Variants in PLPP4 observed in about 807,000 individuals in gnomAD.
PLPP4 encodes diacylglycerol pyrophosphate like 2.
PLPP4 carries 20 observed loss-of-function variants against 32.2 expected under a neutral mutation model. The ratio of observed to expected loss-of-function variants is 0.62; its 90% confidence interval spans 0.44 to 0.90. The LOEUF (loss-of-function observed/expected upper bound fraction) is 0.90, where lower values mean the gene tolerates loss of function less well. Among genes scored for constraint, PLPP4 ranks in the 40% least tolerant of loss-of-function variants. The pLI is 0.00. For synonymous variants in PLPP4, 127 were observed against 133.0 expected, an observed-to-expected ratio of 0.95 and a Z score of 0.31; for missense variants, 257 against 353.1, an observed-to-expected ratio of 0.73 and a Z score of 2.18.
chr10:120,543,358 CTGTTA>C (rs1395916729), intron 5 of PLPP4, among the ~76,000 whole-genome samples: 3 of 152,208 alleles, frequency 2.0e-5, no homozygotes, highest in Non-Finnish European at 4.4e-5. Flanking sequence ...GGGTTCCCTG[CTGTTA>C]TGGTTGGCCT....
intron 5 of PLPP4, among the ~76,000 whole-genome samples, chr10:120,529,764 A>G (rs965567723): frequency 5.3e-5 from 8 of 152,238 alleles, no homozygotes; most frequent in African/African-American, 1.7e-4. Context: ...TTTGTAAAAA[A>G]GAAAAAACAA....
chr10:120,584,950 G>A lies in PLPP4; in HGVS notation c.617-4353G>A, dbSNP rs1849685490. On this transcript the variant is annotated intron_variant, in intron 6 of 6. Transcript: ENST00000398250. Reference sequence around the variant, plus strand: ...GCATGCTGCTATGTCAGTAAATCTGGGAAACATTCTTGGAATGGTTTGATG... The same window carrying A: ...GCATGCTGCTATGTCAGTAAATCTGAGAAACATTCTTGGAATGGTTTGATG... 3.9e-5 allele frequency among the ~76,000 whole-genome samples: 6 copies of A among 152,308 alleles called. No homozygotes were observed. In the South Asian group the frequency reaches 1.2e-3, roughly 32 times the overall value.
chr10:120,459,734 GA>G (rs748489449), intron 1 of PLPP4, among the ~76,000 whole-genome samples: 17 of 152,284 alleles, frequency 1.1e-4, no homozygotes, highest in Non-Finnish European at 2.2e-4. Context: ...TCTGCGGGGA[GA>G]GGGGGTATCT....
chr10:120,465,170 A>G (rs937019349), intron 1 of PLPP4, among the ~76,000 whole-genome samples: 4 of 152,346 alleles, frequency 2.6e-5, no homozygotes, highest in Middle Eastern at 3.4e-3. Flanking sequence ...TATCTTGGTA[A>G]TAGTGCTTCT....
At chr10:120,581,380 G>A (rs929201343) in intron 6 of PLPP4, 1 of 860,470 alleles carries the variant, frequency 1.2e-6, no homozygotes, top group African/African-American at 1.8e-5. Context: ...AAGCCTCTCA[G>A]CCTGGCTCCC....
intron 6 of PLPP4, among the ~76,000 whole-genome samples, chr10:120,576,722 AG>A (rs1254776453): frequency 2.0e-5 from 3 of 152,220 alleles, no homozygotes; most frequent in Non-Finnish European, 4.4e-5. Flanking sequence ...GGAGGTCAGA[AG>A]AGGGTCACAG....
At chr10:120,587,167 G>A (rs942833394) in intron 6 of PLPP4, 1 of 152,530 alleles carries the variant, frequency 6.6e-6, no homozygotes, top group Non-Finnish European at 1.5e-5. Flanking sequence ...CCATGGCTTC[G>A]GTAGGAGGAG....
chr10:120,488,977 A>G (rs1194992355), intron 1 of PLPP4, among the ~76,000 whole-genome samples: 1 of 152,228 alleles, frequency 6.6e-6, no homozygotes, highest in East Asian at 1.9e-4. Context: ...ATAAGATGTA[A>G]GAAGTGTCTA....
intron 6 of PLPP4, among the ~76,000 whole-genome samples, chr10:120,589,037 T>G (rs1849895387): frequency 6.6e-6 from 1 of 152,002 alleles, no homozygotes; most frequent in South Asian, 2.1e-4. Flanking sequence ...CAGAGCAAGA[T>G]TCCATCAAAA....
rs79128652 is a variant in PLPP4, at chr10:120,570,470, G to A, written c.446-4661G>A. 5.4e-3 allele frequency among the ~76,000 whole-genome samples: 820 copies of A among 152,226 alleles called. 10 individuals are homozygous for A. The highest frequency in any genetic ancestry group is 0.019 in the African/African-American group (774 of 41,542). On this transcript the variant is annotated intron_variant, in intron 5 of 6. Coordinates refer to ENST00000398250, the MANE Select transcript of PLPP4 (RefSeq NM_001030059.3). The stretch of plus-strand genomic sequence containing the variant: ...TCAGTGCCAGAAATTATCAGCTTGT[G>A]TGGAAAAATATAATTAGCAAAAGTA...
chr10:120,520,884 G>T, intron 4 of PLPP4, 87 bp from the exon 5 acceptor site: 1 of 1,518,232 alleles, frequency 6.6e-7, no homozygotes. Context: ...GAAAGAGCTG[G>T]GGGCAGTGGG....
chr10:120,549,898 T>C (rs897375958), intron 5 of PLPP4, among the ~76,000 whole-genome samples: 12 of 152,020 alleles, frequency 7.9e-5, no homozygotes, highest in Non-Finnish European at 1.6e-4. Flanking sequence ...TGGTGAAAGA[T>C]TGAATGCTTT....
intron 5 of PLPP4, among the ~76,000 whole-genome samples, chr10:120,550,968 A>G (rs572128105): frequency 6.6e-6 from 1 of 152,226 alleles, no homozygotes; most frequent in East Asian, 1.9e-4. Context: ...TCACAGGCTG[A>G]AAGAAAATAT....
At chr10:120,580,642 TACACACACAC>T (rs59076083) in intron 6 of PLPP4, among the ~76,000 whole-genome samples, 15 of 95,666 alleles carry the variant, frequency 1.6e-4, no homozygotes, top group East Asian at 1.1e-3. Context: ...CTCTGTCTCT[TACACACACAC>T]ACACACACAC....
intron 5 of PLPP4, among the ~76,000 whole-genome samples, chr10:120,535,370 A>G (rs1396250257): frequency 6.6e-6 from 1 of 152,030 alleles, no homozygotes; most frequent in Non-Finnish European, 1.5e-5. Flanking sequence ...GGTTTGTTTT[A>G]TTGCTCAATG....
rs1012210998 is a variant in PLPP4 at position 120,537,143 on chromosome 10, A to C, written c.445+16048A>C. Among the ~76,000 whole-genome samples the C allele has an allele frequency of 1.3e-5, 2 of 152,158 alleles. 1 individual carries two copies. The highest frequency in any genetic ancestry group is 4.1e-4 in the South Asian group (2 of 4,828). On this transcript the variant is annotated intron_variant, in intron 5 of 6. Transcript: ENST00000398250. ...AAAAAGAGCATAGAGCTTCCTAAAG[A>C]AATTAAAAATGTAACTACCGTATGA... is the stretch of plus-strand genomic sequence containing the variant.
intron 5 of PLPP4, among the ~76,000 whole-genome samples, chr10:120,543,508 A>C (rs899511087): frequency 6.6e-6 from 1 of 152,100 alleles, no homozygotes; most frequent in African/African-American, 2.4e-5. Context: ...TAAAAAAAAA[A>C]CACACTCAGC....
At chr10:120,517,123 G>A (rs541304528) in intron 3 of PLPP4, among the ~76,000 whole-genome samples, 8 of 152,306 alleles carry the variant, frequency 5.3e-5, no homozygotes, top group African/African-American at 1.7e-4. Context: ...ATGTGGCTGT[G>A]TATGAAGTTC....
intron 3 of PLPP4, among the ~76,000 whole-genome samples, chr10:120,514,673 C>T (rs1269939344): frequency 6.6e-6 from 1 of 152,116 alleles, no homozygotes; most frequent in African/African-American, 2.4e-5. Context: ...ATAATCAAAT[C>T]CTGAGTAAAT....
Sources: allele counts gnomAD v4.1 joint callset (sites outside exome capture counted in the v4.1 genomes callset), GRCh38; gene constraint gnomAD v4.1.1; transcripts MANE v1.5; gene names NCBI Gene and HGNC (gene_info 2026-07-23, HGNC 2026-07-21).